Variants in TMEM132B observed in about 807,000 individuals in gnomAD.
TMEM132B encodes transmembrane protein 132B.
Under a neutral mutation model 90.8 loss-of-function variants are expected in TMEM132B, and 18 were observed. The ratio of observed to expected loss-of-function variants is 0.20; its 90% CI spans 0.14 to 0.29. The LOEUF (loss-of-function observed/expected upper bound fraction) is 0.29. Ranked by LOEUF, TMEM132B falls within the 10% of genes least tolerant of loss-of-function variation. The probability of loss-of-function intolerance (pLI) is 1.00; values close to 1 mark genes in which losing one functional copy is unlikely to be tolerated. For missense variants in TMEM132B, 1,096 were observed against 1,326.8 expected (o/e 0.83, Z 2.70); for synonymous variants, 504 against 523.3 (o/e 0.96, Z 0.50).
chr12:125,400,059 C>T (rs373904591), intron 2 of TMEM132B, among the ~76,000 whole-genome samples: 8 of 152,190 alleles, frequency 5.3e-5, no homozygotes, highest in African/African-American at 9.7e-5. Context: ...TTCTCTCTTG[C>T]TTTGATGGGC....
At chr12:125,573,897 A>C (rs1884867959) in intron 4 of TMEM132B, among the ~76,000 whole-genome samples, 1 of 152,230 alleles carries the variant, frequency 6.6e-6, no homozygotes, top group African/African-American at 2.4e-5. Context: ...TTTGGAAAAA[A>C]AATTTTTTAT....
At chr12:125,310,721 T>C (rs1310590293) in intron 1 of TMEM132B, among the ~76,000 whole-genome samples, 1 of 152,176 alleles carries the variant, frequency 6.6e-6, no homozygotes, top group Non-Finnish European at 1.5e-5. Context: ...AGAAACACTT[T>C]GACCTCCCCC....
chr12:125,419,174 A>G lies in TMEM132B; in HGVS notation c.1106+3497A>G, dbSNP rs539380985. ...TAGGCAAGCAAAAGCCCTAAAATAGACTTCTTCAAAAAAACAGGCACACCC... is the reference window on the plus strand; with the variant it reads ...TAGGCAAGCAAAAGCCCTAAAATAGGCTTCTTCAAAAAAACAGGCACACCC... On this transcript the variant is annotated intron_variant, in intron 3 of 8. Transcript: ENST00000682704. Among the ~76,000 whole-genome samples the G allele has an allele frequency of 2.6e-5, 4 of 152,296 alleles. No individual in the cohort carries two copies. The East Asian group carries it at 7.7e-4, about 29-fold the overall frequency.
chr12:125,511,741 A>C (rs901118298), intron 3 of TMEM132B, among the ~76,000 whole-genome samples: 2 of 151,482 alleles, frequency 1.3e-5, no homozygotes, highest in Non-Finnish European at 2.9e-5. Context: ...AGTCCCAGCT[A>C]CTTGGGAGGC....
At chr12:125,225,374 T>C (rs376042122) in intron 1 of TMEM132B, among the ~76,000 whole-genome samples, 2 of 152,294 alleles carry the variant, frequency 1.3e-5, no homozygotes, top group African/African-American at 4.8e-5. Flanking sequence ...TAGCAGAGCA[T>C]TAAGTCAAGG....
chr12:125,631,030 T>C (rs1342616266), intron 5 of TMEM132B, among the ~76,000 whole-genome samples: 3 of 152,286 alleles, frequency 2.0e-5, no homozygotes, highest in African/African-American at 4.8e-5. Flanking sequence ...CTACTAACTT[T>C]GGGTTTGGTT....
intron 5 of TMEM132B, among the ~76,000 whole-genome samples, chr12:125,628,675 T>C (rs1220167729): frequency 5.3e-5 from 8 of 152,156 alleles, no homozygotes; most frequent in Non-Finnish European, 1.2e-4. Flanking sequence ...TGCCCATTTT[T>C]GCTTTGGTTG....
At chr12:125,483,421 A>G (rs1351725510) in intron 3 of TMEM132B, among the ~76,000 whole-genome samples, 1 of 152,208 alleles carries the variant, frequency 6.6e-6, no homozygotes, top group African/African-American at 2.4e-5. Flanking sequence ...ACTATGGGTC[A>G]AAAACATTAA....
intron 5 of TMEM132B, among the ~76,000 whole-genome samples, chr12:125,637,359 A>G (rs916426422): frequency 6.6e-6 from 1 of 152,208 alleles, no homozygotes; most frequent in Middle Eastern, 3.2e-3. Flanking sequence ...TGAACCCTGA[A>G]TATCTGAGAC....
At chr12:125,295,148 TA>T (rs2136151935) in intron 1 of TMEM132B, among the ~76,000 whole-genome samples, 1 of 152,276 alleles carries the variant, frequency 6.6e-6, no homozygotes, top group South Asian at 2.1e-4. Flanking sequence ...CAAAGAGAAC[TA>T]AAGTTGCCAG....
chr12:125,369,905 CG>C (rs1270413964), intron 2 of TMEM132B, among the ~76,000 whole-genome samples: 1 of 151,970 alleles, frequency 6.6e-6, no homozygotes, highest in Non-Finnish European at 1.5e-5. Flanking sequence ...AAAAATCAGC[CG>C]GGTGTGGTGG....
In TMEM132B at chr12:125,415,982, T is replaced by G. The variant is rs1879999976; in HGVS notation, c.1106+305T>G. Among the ~76,000 whole-genome samples, 1 of 152,260 alleles carries G rather than the reference T, an allele frequency of 6.6e-6. No individual in the cohort carries two copies. The highest frequency in any genetic ancestry group is 2.1e-4 in the South Asian group (1 of 4,836). The stretch of plus-strand genomic sequence containing the variant: ...GGCAAGGGGAAAATATACTTAGTAA[T>G]GAGCAAACCGAGGGTAGCTTTAGCT... On this transcript the variant is annotated intron_variant, in intron 3 of 8. Coordinates refer to ENST00000682704, the MANE Select transcript of TMEM132B (RefSeq NM_001366854.1). The surrounding 1 kb of genome is among the most constrained non-coding windows in gnomAD (Gnocchi z 5.3).
chr12:125,610,147 A>T (rs1252361453), intron 5 of TMEM132B, among the ~76,000 whole-genome samples: 1 of 151,822 alleles, frequency 6.6e-6, no homozygotes, highest in Admixed American at 6.6e-5. Context: ...GTTCCATAGG[A>T]TTTTCTATAT....
chr12:125,589,260 A>T (rs1348048149), intron 5 of TMEM132B, among the ~76,000 whole-genome samples: 9 of 152,096 alleles, frequency 5.9e-5, no homozygotes, highest in Admixed American at 5.2e-4. Flanking sequence ...AGGCGGGCAG[A>T]TCACGAGGTC....
rs747079896 is a variant in TMEM132B, at chr12:125,493,814, C to T, written c.1107-25625C>T. On this transcript the variant is annotated intron_variant, in intron 3 of 8. Coordinates refer to ENST00000682704, the MANE Select transcript of TMEM132B (RefSeq NM_001366854.1). ...CTGGGAATGGCCGTGTCCCTCCTCT[C>T]CGTCCTCCCTGGAAATGGCCGCATC... is the stretch of plus-strand genomic sequence containing the variant. Among the ~76,000 whole-genome samples, 4 of 151,464 alleles carry T rather than the reference C, an allele frequency of 2.6e-5. No homozygotes were observed. The East Asian group carries it at 5.9e-4, about 22-fold the overall frequency.
chr12:125,360,018 C>T (rs1412914360), intron 2 of TMEM132B, among the ~76,000 whole-genome samples: 1 of 152,190 alleles, frequency 6.6e-6, no homozygotes, highest in East Asian at 1.9e-4. Flanking sequence ...GTGGAGGTTG[C>T]AGTGAGCTGA....
chr12:125,645,752 TGTGAGTGTGTTG>T (rs1406310723), intron 6 of TMEM132B, among the ~76,000 whole-genome samples: 1 of 152,182 alleles, frequency 6.6e-6, no homozygotes, highest in African/African-American at 2.4e-5. Flanking sequence ...CTTGCAGAAC[TGTGAGTGTGTTG>T]GTGTGGGCAT....
At chr12:125,425,265 A>G (rs954059462) in intron 3 of TMEM132B, among the ~76,000 whole-genome samples, 7 of 152,230 alleles carry the variant, frequency 4.6e-5, no homozygotes, top group Admixed American at 1.3e-4. Flanking sequence ...TGACTTGTAC[A>G]AAGAATTTTC....
intron 1 of TMEM132B, among the ~76,000 whole-genome samples, chr12:125,189,608 G>A (rs117843095): frequency 2.0e-5 from 3 of 152,230 alleles, no homozygotes; most frequent in East Asian, 3.9e-4. Flanking sequence ...AAATGTCGTC[G>A]CCTTCTCCAG....
Sources: allele counts gnomAD v4.1 joint callset (sites outside exome capture counted in the v4.1 genomes callset), GRCh38; gene constraint gnomAD v4.1.1; non-coding constraint Gnocchi (gnomAD v3.1); transcripts MANE v1.5; gene names NCBI Gene and HGNC (gene_info 2026-07-23, HGNC 2026-07-21).